The following FIG4 variants were observed in gnomAD, a reference collection of about 807,000 sequenced individuals.
FIG4 encodes FIG4 phosphoinositide 5-phosphatase, also known as polyphosphoinositide phosphatase.
In FIG4, 112 loss-of-function variants were observed where a neutral mutation model predicts 118.6. The observed-to-expected ratio is 0.94, with a 90% confidence interval of 0.81 to 1.11. The LOEUF is 1.11. Ranked by LOEUF, FIG4 falls within the 50% of genes least tolerant of loss-of-function variation. The pLI is 0.00. For synonymous variants in FIG4, 369 were observed against 381.2 expected, an observed-to-expected ratio of 0.97 and a Z score of 0.37; for missense variants, 969 against 1,111.7, an observed-to-expected ratio of 0.87 and a Z score of 1.83.
At chr6:109,724,092 G>T (rs1034972520) in intron 3 of FIG4, among the ~76,000 whole-genome samples, 1 of 151,960 alleles carries the variant, frequency 6.6e-6, no homozygotes, top group African/African-American at 2.4e-5. Context: ...ATTGGTTTTT[G>T]TTGTTGTTGT....
At chr6:109,820,860 A>G (rs1333864288) in intron 22 of FIG4, among the ~76,000 whole-genome samples, 1 of 152,066 alleles carries the variant, frequency 6.6e-6, no homozygotes, top group Admixed American at 6.6e-5. Flanking sequence ...GTGGAAGTAA[A>G]CCCCCCACAG....
chr6:109,788,109 G>A (rs2128396548), intron 18 of FIG4, among the ~76,000 whole-genome samples: 1 of 152,234 alleles, frequency 6.6e-6, no homozygotes, highest in East Asian at 1.9e-4. Flanking sequence ...CACTTTTAAG[G>A]TAGGCTACAC....
chr6:109,738,260 C>CT, intron 6 of FIG4, 65 bp from the exon 7 acceptor site: 52 of 1,395,664 alleles, frequency 3.7e-5, no homozygotes, highest in Middle Eastern at 1.9e-4. Context: ...TGATACCAAC[C>CT]TTTTTTTTAA....
At chr6:109,710,837 C>A (rs1423198772) in intron 1 of FIG4, among the ~76,000 whole-genome samples, 4 of 151,488 alleles carry the variant, frequency 2.6e-5, no homozygotes, top group African/African-American at 9.7e-5. Flanking sequence ...CCCCTTGTTG[C>A]TTCTGATTGT....
At chr6:109,692,029 A>G (rs1220792427) in intron 1 of FIG4, among the ~76,000 whole-genome samples, 3 of 152,214 alleles carry the variant, frequency 2.0e-5, no homozygotes, top group African/African-American at 7.2e-5. Context: ...TTGTTTAAAG[A>G]CAGATAATTT....
intron 3 of FIG4, among the ~76,000 whole-genome samples, chr6:109,723,519 A>G (rs1422948796): frequency 6.6e-6 from 1 of 152,208 alleles, no homozygotes; most frequent in Non-Finnish European, 1.5e-5. Flanking sequence ...AAGGATATGT[A>G]ATTTACTTGA....
intron 1 of FIG4, among the ~76,000 whole-genome samples, chr6:109,692,939 C>A (rs1378371216): frequency 2.0e-5 from 3 of 152,146 alleles, no homozygotes; most frequent in Non-Finnish European, 2.9e-5. Context: ...TGGCTTCAGC[C>A]TCCCAAAGTG....
intron 18 of FIG4, among the ~76,000 whole-genome samples, chr6:109,787,540 T>A (rs922829713): frequency 3.0e-4 from 46 of 152,236 alleles, no homozygotes; most frequent in African/African-American, 1.1e-3. Context: ...TGTGTTCATA[T>A]ACATATAAAC....
At chr6:109,818,722 G>A (rs1378071458) in intron 22 of FIG4, among the ~76,000 whole-genome samples, 1 of 152,120 alleles carries the variant, frequency 6.6e-6, no homozygotes, top group Non-Finnish European at 1.5e-5. Context: ...TATTCAAAAA[G>A]CCATTACCAC....
intron 1 of FIG4, among the ~76,000 whole-genome samples, chr6:109,713,247 G>A (rs1401970964): frequency 1.3e-5 from 2 of 152,238 alleles, no homozygotes; most frequent in East Asian, 3.9e-4. Context: ...GGCTGCAGCA[G>A]GATGCCAGCA....
rs1778536232 is a variant in FIG4 at position 109,805,326 on chromosome 6, A to C, written c.2546+8475A>C. 2.6e-5 allele frequency among the ~76,000 whole-genome samples: 4 copies of C among 152,322 alleles called. No homozygotes were observed. In the South Asian group the frequency reaches 8.3e-4, roughly 32 times the overall value. On this transcript the variant is annotated intron_variant, in intron 22 of 22. Transcript: ENST00000230124. ...CCCTTGATCAACATAACTGGAGAAG[A>C]ACCATGATTTCCTGATTTGCATTTG...
Position 109,791,526 on chromosome 6 carries a change from T to A in FIG4, c.2331T>A (p.Thr777=). 1 of 1,613,906 alleles carries A rather than the reference T, an allele frequency of 6.2e-7. No homozygotes were observed. The highest frequency in any genetic ancestry group is 1.1e-5 in the South Asian group (1 of 91,076). Residue 777 remains threonine (T), a synonymous_variant, in exon 20 of 23, where the codon ACT becomes ACA. Coordinates refer to ENST00000230124, the MANE Select transcript of FIG4 (RefSeq NM_014845.6). ...AGGGCTCTGTGTCTCAGCGCTCCACTCCCGTGAAGATGACTGATGCAGGAG... is the reference window on the plus strand; with the variant it reads ...AGGGCTCTGTGTCTCAGCGCTCCACACCCGTGAAGATGACTGATGCAGGAG... ...EEEGSVSQRS[T]PVKMTDAGDS...
chr6:109,719,322 A>G (rs1286561829), intron 3 of FIG4, among the ~76,000 whole-genome samples: 1 of 152,042 alleles, frequency 6.6e-6, no homozygotes, highest in Non-Finnish European at 1.5e-5. Flanking sequence ...ATTAAATGTA[A>G]CGAAGTGAAA....
intron 9 of FIG4, 192 bp downstream of exon 9, chr6:109,743,464 AT>A: frequency 3.0e-6 from 2 of 663,118 alleles, no homozygotes; most frequent in Admixed American, 5.6e-5. Flanking sequence ...TAAATAAATT[AT>A]TTTTATTTTG....
intron 22 of FIG4, among the ~76,000 whole-genome samples, chr6:109,823,733 G>GC (rs1261904181): frequency 1.3e-5 from 2 of 152,058 alleles, no homozygotes; most frequent in African/African-American, 2.4e-5. Context: ...GGCATCCAGG[G>GC]TGCATTTCTG....
chr6:109,743,388 G>A, intron 9 of FIG4, 116 bp downstream of exon 9: 1 of 992,972 alleles, frequency 1.0e-6, no homozygotes, highest in Non-Finnish European at 1.6e-6. Context: ...GTCCTGGAAG[G>A]TAGATAATTT....
At chr6:109,796,089 C>T (rs1778279385) in intron 21 of FIG4, among the ~76,000 whole-genome samples, 1 of 152,254 alleles carries the variant, frequency 6.6e-6, no homozygotes, top group African/African-American at 2.4e-5. Flanking sequence ...TCCTCTGGCT[C>T]TTAGCTCAAA....
intron 5 of FIG4, among the ~76,000 whole-genome samples, chr6:109,734,080 A>G (rs577704279): frequency 7.9e-5 from 12 of 152,094 alleles, no homozygotes; most frequent in African/African-American, 2.6e-4. Flanking sequence ...GTTAAAATGA[A>G]TGGATCCATC....
chr6:109,764,365 G>A (rs1777214069), intron 13 of FIG4, among the ~76,000 whole-genome samples: 1 of 152,034 alleles, frequency 6.6e-6, no homozygotes, highest in African/African-American at 2.4e-5. Context: ...TTGAATCTGG[G>A]AGGCGGAGGT....
Sources: allele counts gnomAD v4.1 joint callset (sites outside exome capture counted in the v4.1 genomes callset), GRCh38; gene constraint gnomAD v4.1.1; transcripts MANE v1.5; gene names NCBI Gene and HGNC (gene_info 2026-07-23, HGNC 2026-07-21).